The following WDR86 variants were observed in gnomAD, a reference collection of about 807,000 sequenced individuals.
The protein encoded by WDR86 is WD repeat domain 86, also known as WD repeat-containing protein 86.
In WDR86, 30 loss-of-function variants were observed where a neutral mutation model predicts 36.5. That is an observed-to-expected ratio of 0.82 (90% confidence interval 0.61 to 1.11). The LOEUF (loss-of-function observed/expected upper bound fraction) is 1.11. WDR86 is among the 50% of genes most tolerant of loss of function. The pLI is 0.00. For synonymous variants in WDR86, 255 were observed against 252.9 expected, an observed-to-expected ratio of 1.01 and a Z score of -0.08; for missense variants, 545 against 561.2, an observed-to-expected ratio of 0.97 and a Z score of 0.29.
chr7:151,374,219 C>A (rs530374847), downstream of WDR86: 1 of 1,559,668 alleles, frequency 6.4e-7, no homozygotes, highest in South Asian at 1.2e-5. Flanking sequence ...ACGCAGCCAG[C>A]GGGAACTTGG....
downstream of WDR86, among the ~76,000 whole-genome samples, chr7:151,380,304 C>T (rs1339360143): frequency 6.6e-6 from 1 of 152,322 alleles, no homozygotes; most frequent in Admixed American, 6.5e-5. Flanking sequence ...AGGGCGGACC[C>T]GCCCATCACC....
chr7:151,381,349 A>T lies in WDR86; in HGVS notation c.*233T>A. ...CAGGTCAGGGATGGGGAGGGAGGAC[A>T]GGAGCCACCCTAAAAGGGAAAAGGG... On this transcript the variant is annotated 3_prime_UTR_variant, in exon 6 of 6. Coordinates refer to ENST00000334493, the MANE Select transcript of WDR86 (RefSeq NM_198285.3). This position sits in a 1 kb window ranked among gnomAD's most constrained non-coding sequence, Gnocchi z 4.8. 1 of 1,404,456 alleles carries T rather than the reference A, an allele frequency of 7.1e-7. No individual in the cohort carries two copies. Among genetic ancestry groups the T allele is most frequent in the Non-Finnish European group, 9.2e-7 (1 of 1,088,506 alleles). 87.0% of individuals were successfully genotyped at this position (1,404,456 alleles called of 1,614,324 possible).
intron 4 of WDR86, among the ~76,000 whole-genome samples, chr7:151,383,220 C>G (rs906620471): frequency 6.6e-5 from 10 of 151,736 alleles, no homozygotes; most frequent in Non-Finnish European, 1.0e-4. Flanking sequence ...CCTGTAATCT[C>G]AGCACTTTGG....
chr7:151,397,938 G>A (rs1383931359), intron 2 of WDR86, among the ~76,000 whole-genome samples: 1 of 152,090 alleles, frequency 6.6e-6, no homozygotes, highest in Non-Finnish European at 1.5e-5. Flanking sequence ...GCCACTGAAC[G>A]ATCGGTGACC....
downstream of WDR86, chr7:151,376,322 G>A: frequency 2.1e-6 from 1 of 487,058 alleles, no homozygotes; most frequent in South Asian, 2.5e-5. Flanking sequence ...ACACGCGTTA[G>A]CACGCCTGTA....
At chr7:151,404,759 C>G (rs549471918) in intron 1 of WDR86, among the ~76,000 whole-genome samples, 1 of 152,358 alleles carries the variant, frequency 6.6e-6, no homozygotes, top group Admixed American at 6.5e-5. Context: ...CGGTTTTCTG[C>G]CAAGGTAGCG....
At chr7:151,404,828 C>G (rs180836792) in intron 1 of WDR86, among the ~76,000 whole-genome samples, 5 of 152,342 alleles carry the variant, frequency 3.3e-5, no homozygotes, top group African/African-American at 1.2e-4. Flanking sequence ...TCCCCCACCA[C>G]CCCAATGCAG....
chr7:151,394,426 G>A (rs779549705), intron 3 of WDR86, among the ~76,000 whole-genome samples: 2 of 152,186 alleles, frequency 1.3e-5, no homozygotes, highest in African/African-American at 4.8e-5. Flanking sequence ...CTCCAGCCCC[G>A]TCACCCGGAG....
At chr7:151,396,504 G>A (rs546903955) in intron 2 of WDR86, among the ~76,000 whole-genome samples, 41 of 152,328 alleles carry the variant, frequency 2.7e-4, no homozygotes, top group Admixed American at 4.6e-4. Flanking sequence ...AGCGGGAAGG[G>A]GATGGGGGAG....
intron 1 of WDR86, among the ~76,000 whole-genome samples, chr7:151,402,070 A>AAAAAAAAATAT: frequency 1.4e-4 from 7 of 50,534 alleles, no homozygotes; most frequent in African/African-American, 4.7e-4. Flanking sequence ...AAAAAAAAAA[A>AAAAAAAAATAT]ATATATATAT....
rs1801014795 is a variant in WDR86, at chr7:151,409,382, G to T, written c.163+45C>A. The T allele has an allele frequency of 2.6e-6, 4 of 1,549,152 alleles. No individual in the cohort carries two copies. The highest frequency in any genetic ancestry group is 2.7e-5 in the African/African-American group (2 of 73,290). On this transcript the variant is annotated intron_variant, in intron 1 of 5. Coordinates refer to ENST00000334493, the MANE Select transcript of WDR86 (RefSeq NM_198285.3). The surrounding 1 kb of genome is among the most constrained non-coding windows in gnomAD (Gnocchi z 5.2). ...GAGCTGGGGTCCGCGGTCTGGGGCC[G>T]GTGAGCTGCGGCGAAGAGGTCAGGG... is the stretch of plus-strand genomic sequence containing the variant.
the WDR86 span, among the ~76,000 whole-genome samples, chr7:151,369,834 A>G: frequency 2.6e-5 from 4 of 152,208 alleles, no homozygotes; most frequent in African/African-American, 9.6e-5. Context: ...TTTGCTAAAC[A>G]CTAGGATAAT....
chr7:151,409,839 C>G lies in WDR86; in HGVS notation c.-250G>C. ...TCGGGACCTCCGCCCTGGGTAGAGT[C>G]CTGGGCGCGCGGGCAGAGAGAACCC... is the stretch of plus-strand genomic sequence containing the variant. On this transcript the variant is annotated 5_prime_UTR_variant, in exon 1 of 6. Transcript: ENST00000334493. This position sits in a 1 kb window ranked among gnomAD's most constrained non-coding sequence, Gnocchi z 5.2. The G allele has an allele frequency of 8.1e-7, 1 of 1,231,206 alleles. No individual in the cohort carries two copies. The highest frequency in any genetic ancestry group is 1.0e-6 in the Non-Finnish European group (1 of 988,092). 76.3% of individuals were successfully genotyped at this position (1,231,206 alleles called of 1,614,324 possible). A position where few individuals can be genotyped will look rare whatever the true frequency, so the allele number is the denominator to read the frequency against.
the WDR86 span, chr7:151,369,033 A>T: frequency 6.4e-6 from 6 of 934,080 alleles, no homozygotes; most frequent in Non-Finnish European, 9.1e-6. Context: ...CTTGAGACAG[A>T]GTCTCACTTT....
rs560734795 is a variant in WDR86 at position 151,406,092 on chromosome 7, T to C, written c.163+3335A>G. ...GTAATTCTTCTCTTTGCAGAGTAATTGCAATGAAGCCTTTTTCACTGTGAG... is the reference window on the plus strand; with the variant it reads ...GTAATTCTTCTCTTTGCAGAGTAATCGCAATGAAGCCTTTTTCACTGTGAG... On this transcript the variant is annotated intron_variant, in intron 1 of 5. Coordinates refer to ENST00000334493, the MANE Select transcript of WDR86 (RefSeq NM_198285.3). The surrounding 1 kb of genome is among the most constrained non-coding windows in gnomAD (Gnocchi z 4.4). Among the ~76,000 whole-genome samples, 304 of 152,302 alleles carry C rather than the reference T, an allele frequency of 2.0e-3. No homozygotes were observed. The highest frequency in any genetic ancestry group is 1.7e-3 in the Non-Finnish European group (119 of 68,022).
Position 151,409,194 on chromosome 7 carries a change from C to G in WDR86, c.163+233G>C, listed in dbSNP as rs1412075495. ...GCGGACGCCCCTCGACCCACCCACC[C>G]GATCCCGGCCGCACCCTGCTCTGCA... is the stretch of plus-strand genomic sequence containing the variant. On this transcript the variant is annotated intron_variant, in intron 1 of 5. Transcript: ENST00000334493. This position sits in a 1 kb window ranked among gnomAD's most constrained non-coding sequence, Gnocchi z 5.2. 3.1e-6 allele frequency: 2 copies of G among 655,262 alleles called. No individual in the cohort carries two copies. The highest frequency in any genetic ancestry group is 4.4e-5 in the Admixed American group (2 of 44,964). 40.6% of individuals were successfully genotyped at this position (655,262 alleles called of 1,614,324 possible).
chr7:151,388,219 G>A lies in WDR86; in HGVS notation c.727-2996C>T, dbSNP rs186120957. Among the ~76,000 whole-genome samples, 36 of 152,346 alleles carry A rather than the reference G, an allele frequency of 2.4e-4. No homozygotes were observed. The highest frequency in any genetic ancestry group is 4.0e-4 in the Non-Finnish European group (27 of 68,026). ...TCTCTGGCTGGATTTGAAATGCTTC[G>A]TTTCTTTAAAATCACAATGTTGCTA... is the stretch of plus-strand genomic sequence containing the variant. On this transcript the variant is annotated intron_variant, in intron 3 of 5. Transcript: ENST00000334493. This position sits in a 1 kb window ranked among gnomAD's most constrained non-coding sequence, Gnocchi z 4.2.
chr7:151,398,384 A>G (rs1800029504), intron 2 of WDR86, among the ~76,000 whole-genome samples: 2 of 151,618 alleles, frequency 1.3e-5, no homozygotes, highest in Admixed American at 6.6e-5. Context: ...GTGTATGTGT[A>G]AGTTGTGTGT....
chr7:151,382,125 G>A (rs908009439), intron 4 of WDR86, 144 bp from the exon 5 acceptor site: 18 of 687,000 alleles, frequency 2.6e-5, no homozygotes, highest in African/African-American at 1.8e-4. Flanking sequence ...AGTGGACAGT[G>A]CCCCTCCAGA....
Sources: gnomAD v4.1 joint callset for allele counts (sites outside exome capture counted in the v4.1 genomes callset) on GRCh38, gnomAD v4.1.1 for gene constraint, Gnocchi (gnomAD v3.1) non-coding constraint, MANE v1.5 for transcripts, NCBI Gene and HGNC (gene_info 2026-07-23, HGNC 2026-07-21) for gene names.